MTFR2: variants seen among roughly 807,000 people sequenced by gnomAD.
MTFR2 encodes DUF729 domain-containing protein 1.
Under a neutral mutation model 41.2 loss-of-function variants are expected in MTFR2, and 44 were observed. The observed-to-expected ratio is 1.07, with a 90% CI of 0.84 to 1.37. MTFR2 has a LOEUF of 1.37. Ranked by LOEUF, MTFR2 falls within the 40% of genes most tolerant of loss-of-function variation. MTFR2 has a pLI of 0.00. For synonymous variants in MTFR2, 141 were observed against 154.6 expected (o/e 0.91, Z 0.65); for missense variants, 452 against 459.5 (o/e 0.98, Z 0.15).
chr6:136,240,224 A>AT, intron 5 of MTFR2, among the ~76,000 whole-genome samples: 1 of 152,174 alleles, frequency 6.6e-6, no homozygotes. Flanking sequence ...TAAGCATATT[A>AT]TTTTCTAAGC....
rs9483921 is a variant in MTFR2 at position 136,240,311 on chromosome 6, T to C, written c.515-491A>G. On this transcript the variant is annotated intron_variant, in intron 5 of 7. Transcript: ENST00000420702. ...CATAAAGGACTGTGGGTAAACACGA[T>C]TGCTTAAGAAAACTGTGTATAGTTA... 8.5e-3 allele frequency among the ~76,000 whole-genome samples: 1,296 copies of C among 152,158 alleles called. 16 individuals carry two copies. The highest frequency in any genetic ancestry group is 0.039 in the East Asian group (201 of 5,188).
At chr6:136,243,937 C>G (rs1340252664) in intron 3 of MTFR2, among the ~76,000 whole-genome samples, 1 of 150,708 alleles carries the variant, frequency 6.6e-6, no homozygotes, top group Admixed American at 6.6e-5. Context: ...TTAGTTTTAA[C>G]AAAAAAATTT....
intron 6 of MTFR2, among the ~76,000 whole-genome samples, chr6:136,233,844 T>G (rs1023274754): frequency 6.6e-6 from 1 of 151,602 alleles, no homozygotes; most frequent in Non-Finnish European, 1.5e-5. Flanking sequence ...AGGACGAGAG[T>G]TCATGCCAAA....
chr6:136,244,546 T>C (rs1780164956), intron 3 of MTFR2, among the ~76,000 whole-genome samples: 1 of 152,182 alleles, frequency 6.6e-6, no homozygotes, highest in Non-Finnish European at 1.5e-5. Flanking sequence ...AAACAACGCT[T>C]TTCTCAAAAT....
At chr6:136,249,263 A>G in intron 1 of MTFR2, 110 bp from the exon 2 acceptor site, 1 of 527,404 alleles carries the variant, frequency 1.9e-6, no homozygotes, top group Non-Finnish European at 3.3e-6. Flanking sequence ...AATTTCTCCT[A>G]GCCAGCATTC....
chr6:136,248,399 T>C (rs558604273), intron 2 of MTFR2, among the ~76,000 whole-genome samples: 117 of 152,268 alleles, frequency 7.7e-4, no homozygotes, highest in East Asian at 2.3e-3. Context: ...GGGCAGCTTC[T>C]CCCATACTAT....
Position 136,232,265 on chromosome 6 carries a change from G to GT in MTFR2, c.1045-878dup, listed in dbSNP as rs529590292. Among the ~76,000 whole-genome samples the GT allele has an allele frequency of 1.1e-3, 160 of 151,250 alleles. 2 individuals are homozygous for GT. The highest frequency in any genetic ancestry group is 3.4e-3 in the Middle Eastern group (1 of 294). On this transcript the variant is annotated intron_variant, in intron 7 of 7. Transcript: ENST00000420702. ...TCTGTTACACTCTTTTTCTTTTTTT[G>GT]TTTTTTTTGAGACTGACTCTAGCTC... is the stretch of plus-strand genomic sequence containing the variant.
chr6:136,240,891 A>G lies in MTFR2; in HGVS notation c.514+553T>C, dbSNP rs543729528. Among the ~76,000 whole-genome samples the G allele has an allele frequency of 6.8e-3, 1,036 of 152,274 alleles. 5 individuals carry two copies. Among genetic ancestry groups the G allele is most frequent in the Non-Finnish European group, 7.6e-3 (516 of 68,008 alleles). ...CAGATCACGAGGTCAGGAGATCGAG[A>G]CCATCCTGGCTAACACGGTGAAACC... On this transcript the variant is annotated intron_variant, in intron 5 of 7. Coordinates refer to ENST00000420702, the MANE Select transcript of MTFR2 (RefSeq NM_001099286.3).
intron 2 of MTFR2, chr6:136,247,504 A>G: frequency 2.2e-6 from 1 of 456,202 alleles, no homozygotes; most frequent in Non-Finnish European, 4.4e-6. Flanking sequence ...TGGATCTTAA[A>G]TTTCTTCCTG....
At chr6:136,248,037 T>C (rs1780258008) in intron 2 of MTFR2, among the ~76,000 whole-genome samples, 1 of 152,178 alleles carries the variant, frequency 6.6e-6, no homozygotes, top group Non-Finnish European at 1.5e-5. Context: ...CCATTTATAA[T>C]AATGGTACTA....
intron 6 of MTFR2, among the ~76,000 whole-genome samples, chr6:136,238,129 C>G (rs2128457622): frequency 6.6e-6 from 1 of 152,222 alleles, no homozygotes; most frequent in East Asian, 1.9e-4. Flanking sequence ...AAAGAGATAT[C>G]TGCACACCCA....
chr6:136,243,255 T>G lies in MTFR2; in HGVS notation c.169-282A>C, dbSNP rs892934475. ...TTGTTCACACTTGCCCATCTGTGAATGTCATTACAGACATGTACCACGTAA... is the reference window on the plus strand; with the variant it reads ...TTGTTCACACTTGCCCATCTGTGAAGGTCATTACAGACATGTACCACGTAA... On this transcript the variant is annotated intron_variant, in intron 3 of 7. Transcript: ENST00000420702. Among the ~76,000 whole-genome samples the G allele has an allele frequency of 2.6e-5, 4 of 152,346 alleles. No individual in the cohort carries two copies. The South Asian group carries it at 8.3e-4, about 32-fold the overall frequency.
chr6:136,242,811 G>A (rs774712767), intron 4 of MTFR2, 50 bp downstream of exon 4: 2 of 1,406,146 alleles, frequency 1.4e-6, no homozygotes, highest in Admixed American at 1.9e-5. Flanking sequence ...TTCGACACAT[G>A]CAAGAATTCA....
intron 7 of MTFR2, among the ~76,000 whole-genome samples, chr6:136,232,889 CAG>C (rs1779798345): frequency 6.6e-6 from 1 of 152,124 alleles, no homozygotes. Context: ...TTTTTACATG[CAG>C]AGTTAACATT....
chr6:136,241,732 G>T, intron 4 of MTFR2, 56 bp from the exon 5 acceptor site: 5 of 1,281,270 alleles, frequency 3.9e-6, no homozygotes, highest in Non-Finnish European at 5.5e-6. Context: ...ATCAAAAGAG[G>T]TATAAACTCT....
Position 136,240,895 on chromosome 6 carries a change from T to G in MTFR2, c.514+549A>C, listed in dbSNP as rs537508659. On this transcript the variant is annotated intron_variant, in intron 5 of 7. Transcript: ENST00000420702. ...TCACGAGGTCAGGAGATCGAGACCA[T>G]CCTGGCTAACACGGTGAAACCCCGT... Among the ~76,000 whole-genome samples the G allele has an allele frequency of 2.4e-4, 36 of 152,134 alleles. No individual in the cohort carries two copies. In the Middle Eastern group the frequency reaches 0.014, roughly 57 times the overall value.
rs377681071 is a variant in MTFR2 at position 136,249,051 on chromosome 6, C to G, written c.49G>C (p.Val17Leu). The change falls in exon 2 of 8, where the codon GTT becomes CTT. Residue 17 changes from valine to leucine, a missense_variant. By Grantham distance (32) the Val-to-Leu change is conservative. Coordinates refer to ENST00000420702, the MANE Select transcript of MTFR2 (RefSeq NM_001099286.3). ...ILREMLEYFG[V>L]PVEQVLLIWE... ...ACGACATTTACCTGTTCTACAGGAA[C>G]GCCAAAATATTCCAGCATCTCTCTT... The G allele has an allele frequency of 5.6e-6, 9 of 1,599,238 alleles. No homozygotes were observed. The Admixed American group carries it at 7.2e-5, about 13-fold the overall frequency.
At position 136,250,074 on chromosome 6, in the gene MTFR2, ATCGC is replaced by A. The variant is rs930023532; in HGVS notation, c.-157_-154del. 5 of 152,228 alleles carry A rather than the reference ATCGC, an allele frequency of 3.3e-5. No individual in the cohort carries two copies. The highest frequency in any genetic ancestry group is 2.1e-4 in the South Asian group (1 of 4,822). 9.4% of individuals were successfully genotyped at this position (152,228 alleles called of 1,614,324 possible). ...CCAGACTGCGCCACTCCTTGTGCAGATCGCTCAGACGTCTACCCAGACCTCGACC... is the reference window on the plus strand; with the variant it reads ...CCAGACTGCGCCACTCCTTGTGCAGATCAGACGTCTACCCAGACCTCGACC... On this transcript the variant is annotated 5_prime_UTR_variant, in exon 1 of 8. Coordinates refer to ENST00000420702, the MANE Select transcript of MTFR2 (RefSeq NM_001099286.3).
chr6:136,244,279 G>T (rs1384917495), intron 3 of MTFR2, among the ~76,000 whole-genome samples: 1 of 152,150 alleles, frequency 6.6e-6, no homozygotes, highest in Non-Finnish European at 1.5e-5. Context: ...TTCCATTCAT[G>T]GTAGGTGCCC....
Sources: allele counts gnomAD v4.1 joint callset (sites outside exome capture counted in the v4.1 genomes callset), GRCh38; gene constraint gnomAD v4.1.1; transcripts MANE v1.5; gene names NCBI Gene and HGNC (gene_info 2026-07-23, HGNC 2026-07-21).